NEGR1: variants seen among roughly 807,000 people sequenced by gnomAD.
NEGR1 encodes neuronal growth regulator 1.
Under a neutral mutation model 40.9 loss-of-function variants are expected in NEGR1, and 10 were observed. That is an observed-to-expected ratio of 0.24 (90% CI 0.15 to 0.42). NEGR1 has a LOEUF of 0.42. Ranked by LOEUF, NEGR1 falls within the 10% of genes least tolerant of loss-of-function variation. NEGR1 has a pLI of 1.00. For missense variants in NEGR1, 352 were observed against 438.9 expected (o/e 0.80, Z 1.77); for synonymous variants, 185 against 166.8 (o/e 1.11, Z -0.84).
intron 2 of NEGR1, among the ~76,000 whole-genome samples, chr1:71,793,404 C>A (rs1387468426): frequency 6.8e-6 from 1 of 147,558 alleles, no homozygotes; most frequent in Admixed American, 7.0e-5. Context: ...CCACCACGCC[C>A]GGCCTGGGAT....
At position 72,254,110 on chromosome 1, in the gene NEGR1, C is replaced by A. The variant is rs113678021; in HGVS notation, c.176+28209G>T. Among the ~76,000 whole-genome samples the A allele has an allele frequency of 3.0e-3, 459 of 152,300 alleles. 2 individuals carry two copies. The highest frequency in any genetic ancestry group is 0.011 in the African/African-American group (438 of 41,564). The stretch of plus-strand genomic sequence containing the variant: ...TCTATACATAACCCAAGACCCAATT[C>A]AAATTTCACACTTCTCTGTTTCTAT... On this transcript the variant is annotated intron_variant, in intron 1 of 6. Coordinates refer to ENST00000357731, the MANE Select transcript of NEGR1 (RefSeq NM_173808.3).
At chr1:72,205,079 C>A (rs57315727) in intron 1 of NEGR1, among the ~76,000 whole-genome samples, 1,884 of 152,126 alleles carry the variant, frequency 0.012, 44 homozygotes, top group African/African-American at 0.043. Flanking sequence ...AATGTAGGAT[C>A]TCCTGTCACA....
At chr1:71,589,077 TCA>T (rs1331716864) in intron 6 of NEGR1, among the ~76,000 whole-genome samples, 1 of 152,124 alleles carries the variant, frequency 6.6e-6, no homozygotes, top group Non-Finnish European at 1.5e-5. Context: ...GCTTCTACTC[TCA>T]GTTTTACACA....
intron 4 of NEGR1, among the ~76,000 whole-genome samples, chr1:71,657,973 C>T (rs916621588): frequency 1.3e-5 from 2 of 152,194 alleles, no homozygotes; most frequent in African/African-American, 4.8e-5. Flanking sequence ...AATCCCACTG[C>T]TAAACATTCT....
At chr1:72,044,483 C>A (rs992675954) in intron 1 of NEGR1, among the ~76,000 whole-genome samples, 5 of 151,706 alleles carry the variant, frequency 3.3e-5, no homozygotes, top group Admixed American at 6.6e-5. Flanking sequence ...GGCAAATTGG[C>A]ACACACTATC....
At chr1:71,548,498 G>T (rs1271149899) in intron 6 of NEGR1, among the ~76,000 whole-genome samples, 1 of 151,634 alleles carries the variant, frequency 6.6e-6, no homozygotes, top group Non-Finnish European at 1.5e-5. Flanking sequence ...ATCCTTTTAG[G>T]CATTGGGCTC....
intron 2 of NEGR1, among the ~76,000 whole-genome samples, chr1:71,797,296 C>T (rs1657374225): frequency 6.6e-6 from 1 of 152,068 alleles, no homozygotes; most frequent in Non-Finnish European, 1.5e-5. Flanking sequence ...TGGGTCTCAA[C>T]CCAATACTGT....
At chr1:72,068,297 G>C (rs146432077) in intron 1 of NEGR1, among the ~76,000 whole-genome samples, 229 of 152,248 alleles carry the variant, frequency 1.5e-3, no homozygotes, top group Non-Finnish European at 2.3e-3. Flanking sequence ...ATCTGGTTGA[G>C]CCCTGGCATT....
intron 2 of NEGR1, among the ~76,000 whole-genome samples, chr1:71,795,287 C>T (rs571651905): frequency 6.6e-6 from 1 of 152,012 alleles, no homozygotes; most frequent in South Asian, 2.1e-4. Flanking sequence ...GAGCTTTTTA[C>T]AAATACAGAT....
intron 6 of NEGR1, among the ~76,000 whole-genome samples, chr1:71,429,683 A>G (rs1446772759): frequency 6.6e-6 from 1 of 152,216 alleles, no homozygotes; most frequent in Non-Finnish European, 1.5e-5. Context: ...TAGGGATGAC[A>G]TACTATGGTT....
intron 4 of NEGR1, among the ~76,000 whole-genome samples, chr1:71,691,298 T>A (rs375728534): frequency 6.6e-5 from 10 of 152,082 alleles, no homozygotes; most frequent in African/African-American, 2.4e-4. Context: ...GTTAACTTTT[T>A]ACACCATGAA....
At position 72,113,195 on chromosome 1, in the gene NEGR1, T is replaced by C. The variant is rs1207738449; in HGVS notation, c.176+169124A>G. Among the ~76,000 whole-genome samples the C allele has an allele frequency of 2.0e-5, 3 of 151,678 alleles. No individual in the cohort carries two copies. In the South Asian group the frequency reaches 6.2e-4, roughly 31 times the overall value. On this transcript the variant is annotated intron_variant, in intron 1 of 6. Coordinates refer to ENST00000357731, the MANE Select transcript of NEGR1 (RefSeq NM_173808.3). ...AATTTATGAACGGACTAGCAAGCTA[T>C]GTGGACCAAAGGCCTAAGTCTTGGT... is the stretch of plus-strand genomic sequence containing the variant.
intron 2 of NEGR1, among the ~76,000 whole-genome samples, chr1:71,879,980 C>A (rs1486006759): frequency 6.6e-6 from 1 of 152,076 alleles, no homozygotes; most frequent in Admixed American, 6.6e-5. Context: ...TAAGACATAT[C>A]TTTTCATAGC....
intron 3 of NEGR1, among the ~76,000 whole-genome samples, chr1:71,730,594 A>ATATATATATATATATATAT (rs1654829787): frequency 1.1e-5 from 1 of 90,542 alleles, no homozygotes; most frequent in African/African-American, 3.8e-5. Flanking sequence ...TATATATATA[A>ATATATATATATATATATAT]ATTTGAAAAG....
intron 1 of NEGR1, among the ~76,000 whole-genome samples, chr1:72,276,138 T>C (rs1210740873): frequency 6.6e-6 from 1 of 152,012 alleles, no homozygotes; most frequent in African/African-American, 2.4e-5. Context: ...ATGTGATGTC[T>C]ATACTGTTCT....
chr1:71,926,731 C>G (rs897953673), intron 2 of NEGR1, among the ~76,000 whole-genome samples: 4 of 151,526 alleles, frequency 2.6e-5, no homozygotes, highest in African/African-American at 4.8e-5. Flanking sequence ...ATATTATCAA[C>G]TTAGTAATTC....
intron 2 of NEGR1, among the ~76,000 whole-genome samples, chr1:71,785,354 T>G (rs894697539): frequency 6.6e-6 from 1 of 152,090 alleles, no homozygotes; most frequent in East Asian, 1.9e-4. Context: ...AATGTGGGTA[T>G]CCTAGTGAAG....
At chr1:71,718,254 T>C (rs943040496) in intron 3 of NEGR1, among the ~76,000 whole-genome samples, 1 of 152,206 alleles carries the variant, frequency 6.6e-6, no homozygotes, top group Admixed American at 6.5e-5. Flanking sequence ...GAGTTGGTGT[T>C]GTCTTCATTA....
At chr1:71,834,455 C>T (rs1320259256) in intron 2 of NEGR1, among the ~76,000 whole-genome samples, 3 of 151,616 alleles carry the variant, frequency 2.0e-5, no homozygotes, top group African/African-American at 7.3e-5. Flanking sequence ...CACCCACCCC[C>T]ACCCCCTGCC....
Sources: gnomAD v4.1 joint callset for allele counts (sites outside exome capture counted in the v4.1 genomes callset) on GRCh38, gnomAD v4.1.1 for gene constraint, MANE v1.5 for transcripts, NCBI Gene and HGNC (gene_info 2026-07-23, HGNC 2026-07-21) for gene names.